Variants in FAM120B observed in about 807,000 individuals in gnomAD.
The protein encoded by FAM120B is family with sequence similarity 120 member B.
FAM120B carries 83 observed loss-of-function variants against 96.3 expected under a neutral mutation model. The ratio of observed to expected loss-of-function variants is 0.86; its 90% CI spans 0.72 to 1.03. FAM120B has a LOEUF of 1.03. Among genes scored for constraint, FAM120B ranks in the 50% least tolerant of loss-of-function variants. The pLI is 0.00. For missense variants in FAM120B, 1,027 were observed against 1,121.2 expected (o/e 0.92, Z 1.20); for synonymous variants, 407 against 402.7 (o/e 1.01, Z -0.13).
chr6:170,390,962 C>T (rs1790448661), intron 7 of FAM120B, 51 bp from the exon 8 acceptor site: 1 of 1,484,152 alleles, frequency 6.7e-7, no homozygotes. Context: ...TCTGGCCCTA[C>T]TTTGCCACAT....
chr6:170,306,672 C>T (rs929756573), upstream of FAM120B: 46 of 152,258 alleles, frequency 3.0e-4, no homozygotes, highest in African/African-American at 1.1e-3. Context: ...CGCGGGCGCT[C>T]CTCACTCTCG....
chr6:170,400,866 A>C (rs1000921433), intron 9 of FAM120B, among the ~76,000 whole-genome samples: 1 of 152,156 alleles, frequency 6.6e-6, no homozygotes, highest in Non-Finnish European at 1.5e-5. Flanking sequence ...TGCTTCTCCC[A>C]GGGCTCCCCC....
At chr6:170,346,646 C>G (rs1000009209) in intron 4 of FAM120B, among the ~76,000 whole-genome samples, 3 of 152,106 alleles carry the variant, frequency 2.0e-5, no homozygotes, top group African/African-American at 7.2e-5. Context: ...TCCAGTAAAG[C>G]CCAGCCTCAG....
In FAM120B at chr6:170,391,427, T is replaced by C. The variant is rs186092525; in HGVS notation, c.2599+306T>C. Among the ~76,000 whole-genome samples, 342 of 151,832 alleles carry C rather than the reference T, an allele frequency of 2.3e-3. 2 individuals carry two copies. The highest frequency in any genetic ancestry group is 0.014 in the Middle Eastern group (4 of 294). ...GCGGGCGCCTGTAATCCCAGCTACTTGGGAGGCTGAGGAAGGAGGATCACT... is the reference window on the plus strand; with the variant it reads ...GCGGGCGCCTGTAATCCCAGCTACTCGGGAGGCTGAGGAAGGAGGATCACT... On this transcript the variant is annotated intron_variant, in intron 8 of 10. Transcript: ENST00000476287.
At chr6:170,371,811 G>T (rs919357667) in intron 6 of FAM120B, among the ~76,000 whole-genome samples, 6 of 152,208 alleles carry the variant, frequency 3.9e-5, no homozygotes, top group Non-Finnish European at 7.3e-5. Context: ...TGGCCAGGAG[G>T]CTGCAGCTGC....
chr6:170,369,794 G>A (rs1341958359), intron 6 of FAM120B, among the ~76,000 whole-genome samples: 1 of 151,590 alleles, frequency 6.6e-6, no homozygotes, highest in East Asian at 2.0e-4. Flanking sequence ...CTTGGAATCA[G>A]GAGAGCTCAG....
rs1788600083 is a variant in FAM120B, at chr6:170,363,645, A to G, written c.2283+5327A>G. Among the ~76,000 whole-genome samples the G allele has an allele frequency of 6.6e-6, 1 of 152,274 alleles. No homozygotes were observed. The highest frequency in any genetic ancestry group is 6.5e-5 in the Admixed American group (1 of 15,290). On this transcript the variant is annotated intron_variant, in intron 6 of 10. Transcript: ENST00000476287. This position sits in a 1 kb window ranked among gnomAD's most constrained non-coding sequence, Gnocchi z 4.5. ...TTATTTTGATTACAGGATCATAACA[A>G]TAAAGTAATTCTGGATCTCCATTTC... is the stretch of plus-strand genomic sequence containing the variant.
intron 6 of FAM120B, among the ~76,000 whole-genome samples, chr6:170,373,195 A>C (rs996151282): frequency 6.6e-6 from 1 of 152,202 alleles, no homozygotes; most frequent in African/African-American, 2.4e-5. Context: ...CCTGGACTCT[A>C]TGGCCTCAGC....
intron 4 of FAM120B, among the ~76,000 whole-genome samples, chr6:170,343,601 G>A (rs1786981090): frequency 6.6e-6 from 1 of 152,034 alleles, no homozygotes; most frequent in African/African-American, 2.4e-5. Context: ...TATTGTTGGT[G>A]AGTTACTTGT....
At chr6:170,336,778 T>C (rs1265838109) in intron 4 of FAM120B, among the ~76,000 whole-genome samples, 1 of 152,222 alleles carries the variant, frequency 6.6e-6, no homozygotes, top group Non-Finnish European at 1.5e-5. Context: ...CTAGGTATTT[T>C]ATTCTCTGTG....
At chr6:170,314,603 T>C (rs1483344232) in intron 1 of FAM120B, among the ~76,000 whole-genome samples, 1 of 152,224 alleles carries the variant, frequency 6.6e-6, no homozygotes, top group Non-Finnish European at 1.5e-5. Flanking sequence ...CATATTATTT[T>C]CCCCAGTCAT....
At chr6:170,297,819 C>T (rs1038115676) in intron 1 of FAM120B, 3 of 152,194 alleles carry the variant, frequency 2.0e-5, no homozygotes, top group Non-Finnish European at 4.4e-5. Flanking sequence ...AACAGCTTCC[C>T]AAGCAACCCA....
chr6:170,295,144 G>A (rs1385817839), upstream of FAM120B, among the ~76,000 whole-genome samples: 4 of 152,202 alleles, frequency 2.6e-5, no homozygotes, highest in African/African-American at 9.6e-5. This position sits in a 1 kb window ranked among gnomAD's most constrained non-coding sequence, Gnocchi z 7.8. Flanking sequence ...AGTTCTCAGA[G>A]GCGTCCGTGG....
chr6:170,310,323 C>T (rs939272706), intron 1 of FAM120B, among the ~76,000 whole-genome samples: 5 of 152,346 alleles, frequency 3.3e-5, no homozygotes, highest in South Asian at 4.1e-4. Flanking sequence ...ATCCTCCTCT[C>T]AGAGCCCACC....
At chr6:170,390,662 T>C (rs1426143938) in intron 7 of FAM120B, among the ~76,000 whole-genome samples, 3 of 152,226 alleles carry the variant, frequency 2.0e-5, no homozygotes, top group Non-Finnish European at 4.4e-5. Context: ...GATTAAGATA[T>C]ATTAAATCCA....
chr6:170,393,215 T>C (rs1790565137), intron 8 of FAM120B, among the ~76,000 whole-genome samples: 1 of 150,476 alleles, frequency 6.6e-6, no homozygotes, highest in South Asian at 2.1e-4. Context: ...CTCTCCAGAC[T>C]GAGGTTGTCA....
At position 170,406,616 on chromosome 6, in the gene FAM120B, A is replaced by C. The variant is rs1778812629; in HGVS notation, c.*1865A>C. On this transcript the variant is annotated 3_prime_UTR_variant, in exon 11 of 11. Transcript: ENST00000476287. ...ATTTACATCTAATTATTTTTCGTGC[A>C]AGTCTTGTAGGACCCACATGTTTTC... 1 of 152,186 alleles carries C rather than the reference A, an allele frequency of 6.6e-6. No homozygotes were observed. The highest frequency in any genetic ancestry group is 1.5e-5 in the Non-Finnish European group (1 of 68,044). 9.4% of individuals were successfully genotyped at this position (152,186 alleles called of 1,614,324 possible).
intron 4 of FAM120B, among the ~76,000 whole-genome samples, chr6:170,343,058 C>T (rs1463446826): frequency 1.3e-5 from 2 of 152,160 alleles, no homozygotes; most frequent in Non-Finnish European, 2.9e-5. Context: ...TCTCTTGCAT[C>T]GCAACCCTCC....
At chr6:170,396,343 G>A (rs903505646) in intron 9 of FAM120B, among the ~76,000 whole-genome samples, 1 of 152,160 alleles carries the variant, frequency 6.6e-6, no homozygotes, top group Non-Finnish European at 1.5e-5. Flanking sequence ...TGGAGGCTGC[G>A]GGGCCGCACA....
Sources: gnomAD v4.1 joint callset for allele counts (sites outside exome capture counted in the v4.1 genomes callset) on GRCh38, gnomAD v4.1.1 for gene constraint, Gnocchi (gnomAD v3.1) non-coding constraint, MANE v1.5 for transcripts, NCBI Gene and HGNC (gene_info 2026-07-23, HGNC 2026-07-21) for gene names.